Variants in HDAC9 observed in about 807,000 individuals in gnomAD.
HDAC9 encodes the protein MEF-2 interacting transcription repressor (MITR) protein.
A neutral mutation model predicts 139.4 loss-of-function variants in HDAC9; 41 were observed. That is an observed-to-expected ratio of 0.29 (90% CI 0.23 to 0.38). The LOEUF (loss-of-function observed/expected upper bound fraction) is 0.38. Among genes scored for constraint, HDAC9 ranks in the 10% least tolerant of loss-of-function variants. The pLI, the probability that HDAC9 is intolerant of heterozygous loss-of-function variation, is 1.00. For synonymous variants in HDAC9, 517 were observed against 476.2 expected (o/e 1.09, Z -1.12); for missense variants, 1,147 against 1,297.0 (o/e 0.88, Z 1.78).
chr7:18,299,884 C>T (rs192549120), intron 1 of HDAC9, among the ~76,000 whole-genome samples: 4 of 152,228 alleles, frequency 2.6e-5, no homozygotes, highest in East Asian at 3.9e-4. Context: ...CAGGGAGCTA[C>T]GTATTTTAGT....
intron 2 of HDAC9, among the ~76,000 whole-genome samples, chr7:18,216,262 A>T (rs1792306567): frequency 6.6e-6 from 1 of 152,134 alleles, no homozygotes; most frequent in Admixed American, 6.6e-5. Context: ...GGCATATTTG[A>T]AAGTTTAACA....
chr7:18,854,635 ACTACT>A (rs1251657107), intron 21 of HDAC9, among the ~76,000 whole-genome samples: 3 of 152,114 alleles, frequency 2.0e-5, no homozygotes, highest in East Asian at 3.9e-4. Flanking sequence ...GGACAAAGAC[ACTACT>A]CTAGTCTAGT....
At chr7:18,121,830 TA>T (rs1313517949) in intron 1 of HDAC9, among the ~76,000 whole-genome samples, 8 of 151,906 alleles carry the variant, frequency 5.3e-5, no homozygotes, top group African/African-American at 1.9e-4. Flanking sequence ...TATTTTTAGA[TA>T]AAAAAGGTTA....
At chr7:18,676,062 G>A (rs188516243) in intron 12 of HDAC9, among the ~76,000 whole-genome samples, 24 of 152,072 alleles carry the variant, frequency 1.6e-4, no homozygotes, top group African/African-American at 5.8e-4. Flanking sequence ...CTATGTCTGT[G>A]CCCAGGTCTC....
intron 16 of HDAC9, among the ~76,000 whole-genome samples, chr7:18,775,541 A>T (rs1790690001): frequency 6.6e-6 from 1 of 152,060 alleles, no homozygotes; most frequent in Non-Finnish European, 1.5e-5. Flanking sequence ...TGCTAAATAG[A>T]TTACTTTTCT....
At chr7:18,769,306 A>C (rs1275402353) in intron 16 of HDAC9, among the ~76,000 whole-genome samples, 2 of 152,174 alleles carry the variant, frequency 1.3e-5, no homozygotes, top group Non-Finnish European at 2.9e-5. Context: ...AAAATGACCA[A>C]GGAGTGAATA....
chr7:18,534,742 G>T (rs1810301627), intron 2 of HDAC9, among the ~76,000 whole-genome samples: 1 of 152,198 alleles, frequency 6.6e-6, no homozygotes. Flanking sequence ...ATCCACCACT[G>T]TGCAGCTCTT....
At chr7:18,787,197 T>G (rs1308402890) in intron 16 of HDAC9, among the ~76,000 whole-genome samples, 1 of 152,136 alleles carries the variant, frequency 6.6e-6, no homozygotes, top group East Asian at 1.9e-4. Flanking sequence ...TACTTCAGAT[T>G]GTGCCTCCTC....
At chr7:18,813,474 T>G (rs1296411241) in intron 17 of HDAC9, among the ~76,000 whole-genome samples, 1 of 152,134 alleles carries the variant, frequency 6.6e-6, no homozygotes, top group Admixed American at 6.6e-5. Flanking sequence ...TGTTTCCAAT[T>G]TTATGGGTCA....
chr7:18,613,152 ACAGT>A (rs1270293200), intron 6 of HDAC9, among the ~76,000 whole-genome samples: 1 of 150,070 alleles, frequency 6.7e-6, no homozygotes, highest in Non-Finnish European at 1.5e-5. Context: ...TAGACTGAAT[ACAGT>A]CAGTCTATTA....
chr7:18,485,555 A>C (rs930957124), intron 1 of HDAC9, among the ~76,000 whole-genome samples: 1 of 151,480 alleles, frequency 6.6e-6, no homozygotes, highest in Non-Finnish European at 1.5e-5. Context: ...GCAATACAGA[A>C]CTCAATTATC....
intron 8 of HDAC9, among the ~76,000 whole-genome samples, chr7:18,640,534 C>G (rs1011346179): frequency 4.0e-5 from 6 of 151,696 alleles, no homozygotes; most frequent in Admixed American, 1.3e-4. Context: ...CTCCCTCCCT[C>G]CTTCCTTGGT....
At chr7:18,803,743 A>G (rs1407053005) in intron 17 of HDAC9, among the ~76,000 whole-genome samples, 1 of 152,008 alleles carries the variant, frequency 6.6e-6, no homozygotes, top group African/African-American at 2.4e-5. Flanking sequence ...CTTGCTTGCC[A>G]TGTATTTTTA....
chr7:18,558,802 G>A (rs148764424), intron 2 of HDAC9, among the ~76,000 whole-genome samples: 2 of 152,274 alleles, frequency 1.3e-5, no homozygotes, highest in African/African-American at 2.4e-5. Flanking sequence ...ATGTAATGAC[G>A]TTTTCTTCAC....
chr7:18,619,391 T>G (rs898692392), intron 6 of HDAC9, among the ~76,000 whole-genome samples: 1 of 152,204 alleles, frequency 6.6e-6, no homozygotes, highest in Admixed American at 6.5e-5. Flanking sequence ...AGCAACTGTT[T>G]ATGGAGACCC....
chr7:18,432,697 C>A (rs544136856), intron 1 of HDAC9, among the ~76,000 whole-genome samples: 1 of 152,070 alleles, frequency 6.6e-6, no homozygotes, highest in African/African-American at 2.4e-5. Context: ...CCTGTAATCC[C>A]GTCACTTTGG....
chr7:18,701,914 C>G (rs1043112770), intron 12 of HDAC9, among the ~76,000 whole-genome samples: 2 of 152,218 alleles, frequency 1.3e-5, no homozygotes, highest in Non-Finnish European at 2.9e-5. Flanking sequence ...GCAAAATCCT[C>G]CAGTTTTCTG....
intron 13 of HDAC9, among the ~76,000 whole-genome samples, chr7:18,737,923 C>A (rs938507868): frequency 2.6e-5 from 4 of 152,156 alleles, no homozygotes; most frequent in Non-Finnish European, 5.9e-5. Flanking sequence ...TAAGGACTTG[C>A]TGTATGAATC....
In HDAC9 at chr7:18,732,891, GTACACACACACGTGTGCGTA is replaced by G. The variant is rs1476897971; in HGVS notation, c.1909+5136_1909+5155del. ...TGTACACACACACGTGTGCGTATGTGTACACACACACGTGTGCGTATGTGTATACACACGTGTGTATGTAT... is the reference window on the plus strand; with the variant it reads ...TGTACACACACACGTGTGCGTATGTGTGTGTATACACACGTGTGTATGTAT... On this transcript the variant is annotated intron_variant, in intron 13 of 25. Transcript: ENST00000686413. Among the ~76,000 whole-genome samples the G allele has an allele frequency of 7.1e-4, 66 of 93,504 alleles. 2 individuals carry two copies. Among genetic ancestry groups the G allele is most frequent in the East Asian group, 3.3e-3 (6 of 1,838 alleles). 61.3% of individuals were successfully genotyped at this position (93,504 alleles called of 152,430 possible). A position where few individuals can be genotyped will look rare whatever the true frequency, so the allele number is the denominator to read the frequency against.
Sources: gnomAD v4.1 joint callset for allele counts (sites outside exome capture counted in the v4.1 genomes callset) on GRCh38, gnomAD v4.1.1 for gene constraint, MANE v1.5 for transcripts, NCBI Gene and HGNC (gene_info 2026-07-23, HGNC 2026-07-21) for gene names.